The following TSPAN12 variants were observed in gnomAD, a reference collection of about 807,000 sequenced individuals.
The protein encoded by TSPAN12 is tetraspanin 12.
TSPAN12 carries 19 observed loss-of-function variants against 39.2 expected under a neutral mutation model. That is an observed-to-expected ratio of 0.49 (90% CI 0.34 to 0.71). The LOEUF (loss-of-function observed/expected upper bound fraction) is 0.71, where lower values mean the gene tolerates loss of function less well. Ranked by LOEUF, TSPAN12 falls within the 30% of genes least tolerant of loss-of-function variation. The probability of loss-of-function intolerance (pLI) is 0.01; values close to 1 mark genes in which losing one functional copy is unlikely to be tolerated. For missense variants in TSPAN12, 314 were observed against 359.9 expected (o/e 0.87, Z 1.03); for synonymous variants, 119 against 124.8 (o/e 0.95, Z 0.31).
At chr7:120,821,348 T>C (rs544412077) in intron 4 of TSPAN12, among the ~76,000 whole-genome samples, 40 of 151,926 alleles carry the variant, frequency 2.6e-4, no homozygotes, top group Non-Finnish European at 5.4e-4. Flanking sequence ...TAAATAACTT[T>C]CGGTTCAAAG....
intron 2 of TSPAN12, among the ~76,000 whole-genome samples, chr7:120,854,460 G>C (rs577252699): frequency 6.6e-6 from 1 of 152,150 alleles, no homozygotes; most frequent in African/African-American, 2.4e-5. Flanking sequence ...TGTTCTCAGC[G>C]CTGTATATAT....
chr7:120,815,696 T>C, intron 5 of TSPAN12, 33 bp downstream of exon 5: 1 of 1,583,948 alleles, frequency 6.3e-7, no homozygotes, highest in Non-Finnish European at 8.7e-7. Context: ...GAACTGTTGT[T>C]TTAGATTGTG....
Position 120,840,075 on chromosome 7 carries a change from C to G in TSPAN12, c.101G>C (p.Trp34Ser). Residue 34 changes from tryptophan (W) to serine (S), a missense_variant, in exon 3 of 8, where the codon TGG becomes TCG. Physicochemically the swap from Trp to Ser is radical, Grantham distance 177 (BLOSUM62 -3). Transcript: ENST00000222747. ...AACATTATTTAGGTAGTCCCTCATC[C>G]AAGCAGAAACTGCCAACACACTGAT... is the stretch of plus-strand genomic sequence containing the variant. ...MSISVLAVSA[W>S]MRDYLNNVLT... The G allele has an allele frequency of 6.2e-7, 1 of 1,613,778 alleles. No homozygotes were observed. The highest frequency in any genetic ancestry group is 8.5e-7 in the Non-Finnish European group (1 of 1,179,842).
intron 2 of TSPAN12, among the ~76,000 whole-genome samples, chr7:120,856,049 A>G (rs1794863863): frequency 6.6e-6 from 1 of 152,236 alleles, no homozygotes; most frequent in African/African-American, 2.4e-5. Flanking sequence ...CATAGGGCAT[A>G]AAGATTTCCA....
intron 2 of TSPAN12, among the ~76,000 whole-genome samples, chr7:120,852,107 A>T (rs1794779830): frequency 6.6e-6 from 1 of 152,206 alleles, no homozygotes; most frequent in Non-Finnish European, 1.5e-5. Flanking sequence ...CTTAAAAAAA[A>T]AACTCTCAGT....
intron 7 of TSPAN12, among the ~76,000 whole-genome samples, chr7:120,797,223 A>T (rs10253785): frequency 1.3e-5 from 2 of 152,196 alleles, no homozygotes; most frequent in African/African-American, 4.8e-5. Flanking sequence ...AAGCAAAGCC[A>T]TGTGAGTTCC....
At chr7:120,846,078 T>C (rs540332639) in intron 2 of TSPAN12, among the ~76,000 whole-genome samples, 1 of 152,264 alleles carries the variant, frequency 6.6e-6, no homozygotes, top group South Asian at 2.1e-4. Flanking sequence ...AGCAGGCACA[T>C]CTTACCTGGC....
At chr7:120,809,172 T>C (rs1018721103) in intron 6 of TSPAN12, among the ~76,000 whole-genome samples, 44 of 152,072 alleles carry the variant, frequency 2.9e-4, no homozygotes, top group African/African-American at 9.9e-4. Context: ...ATGTAACAAA[T>C]CTAAAAATAA....
rs187944248 is a variant in TSPAN12 at position 120,796,930 on chromosome 7, C to T, written c.613-8033G>A. Reference sequence around the variant, plus strand: ...CAGCACTTTGGGAGGCCGAGGCAGGCGGATCACGAGGTCAGGAGACAGAGA... The same window carrying T: ...CAGCACTTTGGGAGGCCGAGGCAGGTGGATCACGAGGTCAGGAGACAGAGA... On this transcript the variant is annotated intron_variant, in intron 7 of 7. Transcript: ENST00000222747. Among the ~76,000 whole-genome samples the T allele has an allele frequency of 6.5e-3, 992 of 152,170 alleles. 13 individuals carry two copies. Among genetic ancestry groups the T allele is most frequent in the African/African-American group, 0.022 (926 of 41,520 alleles).
intron 5 of TSPAN12, among the ~76,000 whole-genome samples, chr7:120,813,749 T>C (rs1199560463): frequency 6.6e-6 from 1 of 152,186 alleles, no homozygotes; most frequent in African/African-American, 2.4e-5. Context: ...GACACATTTA[T>C]CATTTGAAAA....
intron 6 of TSPAN12, among the ~76,000 whole-genome samples, chr7:120,808,694 C>T (rs2116356109): frequency 6.6e-6 from 1 of 152,146 alleles, no homozygotes; most frequent in African/African-American, 2.4e-5. Flanking sequence ...GTCACTGGGG[C>T]TTAAGTGAGA....
At chr7:120,828,655 C>CTTTTTT (rs752697203) in intron 4 of TSPAN12, among the ~76,000 whole-genome samples, 6 of 125,500 alleles carry the variant, frequency 4.8e-5, no homozygotes, top group Admixed American at 3.4e-4. Context: ...TTTCTTTCTC[C>CTTTTTT]TTTTTTTTTT....
intron 4 of TSPAN12, among the ~76,000 whole-genome samples, chr7:120,826,339 G>A (rs1167026994): frequency 6.6e-6 from 1 of 152,160 alleles, no homozygotes; most frequent in Non-Finnish European, 1.5e-5. Context: ...AAGGCATTAA[G>A]GGTCAGTCAA....
chr7:120,815,840 A>C lies in TSPAN12; in HGVS notation c.286-37T>G, dbSNP rs773952149. The C allele has an allele frequency of 4.5e-6, 7 of 1,554,000 alleles. No homozygotes were observed. In the South Asian group the frequency reaches 8.0e-5, roughly 18 times the overall value. Reference sequence around the variant, plus strand: ...CAGAAAAGTATGCTGTTATAGTATCAGAATAAAATAGGCTCCTCAAAGACA... The same window carrying C: ...CAGAAAAGTATGCTGTTATAGTATCCGAATAAAATAGGCTCCTCAAAGACA... On this transcript the variant is annotated intron_variant, in intron 4 of 7. Coordinates refer to ENST00000222747, the MANE Select transcript of TSPAN12 (RefSeq NM_012338.4).
At chr7:120,818,794 A>G (rs1189232213) in intron 4 of TSPAN12, among the ~76,000 whole-genome samples, 1 of 152,102 alleles carries the variant, frequency 6.6e-6, no homozygotes, top group East Asian at 1.9e-4. Context: ...GTCAGCTTTA[A>G]TATACTCAGA....
chr7:120,840,472 C>T (rs1034638593), intron 2 of TSPAN12, among the ~76,000 whole-genome samples: 4 of 141,724 alleles, frequency 2.8e-5, no homozygotes, highest in Non-Finnish European at 6.1e-5. Context: ...AATACTATTA[C>T]TGAACAATTA....
intron 4 of TSPAN12, among the ~76,000 whole-genome samples, chr7:120,827,904 C>T (rs1794320107): frequency 6.6e-6 from 1 of 152,168 alleles, no homozygotes; most frequent in Non-Finnish European, 1.5e-5. Flanking sequence ...TCAGCAAGGT[C>T]CTCTTTGTGC....
In TSPAN12 at chr7:120,787,372, G is replaced by C. The variant is rs1321051315; in HGVS notation, c.*1220C>G. Reference sequence around the variant, plus strand: ...CATTTTAATTTTCTTTCCATATTCTGAGAAATAAACAAAATACACAAAATA... The same window carrying C: ...CATTTTAATTTTCTTTCCATATTCTCAGAAATAAACAAAATACACAAAATA... On this transcript the variant is annotated 3_prime_UTR_variant, in exon 8 of 8. Coordinates refer to ENST00000222747, the MANE Select transcript of TSPAN12 (RefSeq NM_012338.4). 2 of 152,386 alleles carry C rather than the reference G, an allele frequency of 1.3e-5. No individual in the cohort carries two copies. The highest frequency in any genetic ancestry group is 2.9e-5 in the Non-Finnish European group (2 of 67,944). 9.4% of individuals were successfully genotyped at this position (152,386 alleles called of 1,614,324 possible).
intron 4 of TSPAN12, among the ~76,000 whole-genome samples, chr7:120,830,888 G>A (rs1794377659): frequency 1.3e-5 from 2 of 152,048 alleles, no homozygotes; most frequent in African/African-American, 4.8e-5. Flanking sequence ...TGCAAACCAT[G>A]TATCTGTTAA....
Sources: gnomAD v4.1 joint callset for allele counts (sites outside exome capture counted in the v4.1 genomes callset) on GRCh38, gnomAD v4.1.1 for gene constraint, MANE v1.5 for transcripts, NCBI Gene and HGNC (gene_info 2026-07-23, HGNC 2026-07-21) for gene names.